VRK2: variants seen among roughly 807,000 people sequenced by gnomAD.
VRK2 encodes the protein serine/threonine-protein kinase VRK2.
VRK2 carries 60 observed loss-of-function variants against 57.6 expected under a neutral mutation model. That is an observed-to-expected ratio of 1.04 (90% CI 0.85 to 1.29). The LOEUF (loss-of-function observed/expected upper bound fraction) is 1.29. Ranked by LOEUF, VRK2 falls within the 50% of genes most tolerant of loss-of-function variation. The pLI is 0.00. For missense variants in VRK2, 705 were observed against 588.1 expected, an observed-to-expected ratio of 1.20 and a Z score of -2.06; for synonymous variants, 231 against 199.2, an observed-to-expected ratio of 1.16 and a Z score of -1.35.
intron 7 of VRK2, among the ~76,000 whole-genome samples, chr2:58,090,043 G>T (rs933870476): frequency 6.6e-6 from 1 of 152,164 alleles, no homozygotes; most frequent in Non-Finnish European, 1.5e-5. Flanking sequence ...ATGGATTTAT[G>T]TAGAGGTTAA....
intron 1 of VRK2, among the ~76,000 whole-genome samples, chr2:57,992,322 G>C (rs891507956): frequency 6.6e-5 from 10 of 152,134 alleles, no homozygotes; most frequent in African/African-American, 2.4e-4. Flanking sequence ...CTCTAATTTT[G>C]AAAGCCTGAT....
intron 2 of VRK2, among the ~76,000 whole-genome samples, chr2:58,063,537 C>T (rs552167837): frequency 5.2e-4 from 79 of 152,066 alleles, no homozygotes; most frequent in African/African-American, 1.9e-3. Flanking sequence ...ATATTTTAAG[C>T]CTGCTGTTGA....
Position 57,969,911 on chromosome 2 carries a change from T to A in VRK2, c.-438-55754T>A, listed in dbSNP as rs1053273562. On this transcript the variant is annotated intron_variant, in intron 1 of 15. Transcript: ENST00000417641. Reference sequence around the variant, plus strand: ...ATGCCGAGGTCTTTCAGCTTCGCTATAAAAGAATTCCATTGACCCCTTGGT... The same window carrying A: ...ATGCCGAGGTCTTTCAGCTTCGCTAAAAAAGAATTCCATTGACCCCTTGGT... Among the ~76,000 whole-genome samples, 3 of 152,118 alleles carry A rather than the reference T, an allele frequency of 2.0e-5. No homozygotes were observed. The South Asian group carries it at 6.2e-4, about 32-fold the overall frequency.
rs138045863 is a variant in VRK2, at chr2:58,017,817, A to G, written c.-438-7848A>G. On this transcript the variant is annotated intron_variant, in intron 1 of 15. Transcript: ENST00000417641. ...ATTTCTTATTAATGATAGTAAAGCT[A>G]GTCTCTTAGATTTGTTGTTAAATCT... is the stretch of plus-strand genomic sequence containing the variant. Among the ~76,000 whole-genome samples the G allele has an allele frequency of 9.2e-5, 14 of 152,290 alleles. No homozygotes were observed. In the East Asian group the frequency reaches 2.3e-3, roughly 25 times the overall value.
chr2:57,948,264 G>T (rs559068203), intron 1 of VRK2, among the ~76,000 whole-genome samples: 2 of 152,232 alleles, frequency 1.3e-5, no homozygotes, highest in African/African-American at 4.8e-5. Flanking sequence ...TCACTATATA[G>T]TACTTCTAAT....
chr2:57,985,410 A>C (rs1258447658), intron 1 of VRK2, among the ~76,000 whole-genome samples: 1 of 152,122 alleles, frequency 6.6e-6, no homozygotes, highest in Non-Finnish European at 1.5e-5. Flanking sequence ...ATTATACACA[A>C]ATCTGAAATT....
chr2:58,117,082 T>C (rs1272318983), intron 7 of VRK2, among the ~76,000 whole-genome samples: 1 of 152,198 alleles, frequency 6.6e-6, no homozygotes, highest in African/African-American at 2.4e-5. Flanking sequence ...TTTGGAGTTT[T>C]ATTTAATGTC....
intron 2 of VRK2, among the ~76,000 whole-genome samples, chr2:58,068,532 T>A (rs951064323): frequency 2.0e-5 from 3 of 152,276 alleles, no homozygotes; most frequent in Admixed American, 6.5e-5. Context: ...TATTGGGGGT[T>A]CTTTGACATT....
intron 2 of VRK2, among the ~76,000 whole-genome samples, chr2:58,063,254 T>C (rs1046202369): frequency 1.3e-5 from 2 of 151,698 alleles, no homozygotes; most frequent in African/African-American, 4.8e-5. Context: ...TTTTTTTTTT[T>C]TTTAACATAT....
chr2:57,943,230 A>G (rs778680872), intron 1 of VRK2, among the ~76,000 whole-genome samples: 5 of 152,202 alleles, frequency 3.3e-5, no homozygotes, highest in Non-Finnish European at 7.4e-5. Context: ...GACATGATCT[A>G]TCCAGCAGAC....
At chr2:57,956,685 C>T (rs371829157) in intron 1 of VRK2, among the ~76,000 whole-genome samples, 40 of 152,244 alleles carry the variant, frequency 2.6e-4, no homozygotes, top group Middle Eastern at 3.4e-3. Context: ...AGGGCAAAAG[C>T]ATGGATTATT....
intron 1 of VRK2, among the ~76,000 whole-genome samples, chr2:57,949,647 A>G (rs1671366057): frequency 6.6e-6 from 1 of 152,184 alleles, no homozygotes; most frequent in Non-Finnish European, 1.5e-5. Context: ...ATGCCAATTA[A>G]TAACCCTACA....
chr2:58,051,125 G>A (rs751754998), intron 2 of VRK2, among the ~76,000 whole-genome samples: 2 of 152,166 alleles, frequency 1.3e-5, no homozygotes, highest in Non-Finnish European at 2.9e-5. Context: ...GATTACAGAC[G>A]TGAGCCACTG....
At chr2:58,116,369 T>G (rs1334803070) in intron 7 of VRK2, among the ~76,000 whole-genome samples, 1 of 150,224 alleles carries the variant, frequency 6.7e-6, no homozygotes, top group Admixed American at 6.6e-5. Context: ...GGGAAGCAGA[T>G]AATTTGGTTA....
chr2:58,126,164 A>G (rs1257006531), intron 8 of VRK2, among the ~76,000 whole-genome samples: 3 of 151,962 alleles, frequency 2.0e-5, no homozygotes, highest in African/African-American at 7.2e-5. Flanking sequence ...AAAAGTCACT[A>G]GGATATAGAA....
intron 7 of VRK2, among the ~76,000 whole-genome samples, chr2:58,090,548 G>C (rs1204786759): frequency 6.6e-6 from 1 of 152,120 alleles, no homozygotes; most frequent in Non-Finnish European, 1.5e-5. Context: ...AGTACCAACT[G>C]CTGATGAGTA....
chr2:57,926,180 G>A (rs950297671), intron 1 of VRK2, among the ~76,000 whole-genome samples: 10 of 151,602 alleles, frequency 6.6e-5, no homozygotes, highest in Non-Finnish European at 8.8e-5. Flanking sequence ...CATGTGCTGA[G>A]GAAAAAATGT....
At chr2:58,134,917 C>T (rs1216935625) in intron 9 of VRK2, among the ~76,000 whole-genome samples, 2 of 151,898 alleles carry the variant, frequency 1.3e-5, no homozygotes, top group Non-Finnish European at 2.9e-5. Context: ...ACCTTTCTGC[C>T]CCTACGTTAG....
chr2:58,086,241 T>G (rs1671607561), intron 4 of VRK2, 98 bp from the exon 5 acceptor site: 2 of 1,022,528 alleles, frequency 2.0e-6, no homozygotes, highest in South Asian at 3.0e-5. Flanking sequence ...GAAGATCTAA[T>G]TACTTTTTTG....
Sources: allele counts gnomAD v4.1 joint callset (sites outside exome capture counted in the v4.1 genomes callset), GRCh38; gene constraint gnomAD v4.1.1; transcripts MANE v1.5; gene names NCBI Gene and HGNC (gene_info 2026-07-23, HGNC 2026-07-21).